CCSER1: variants seen among roughly 807,000 people sequenced by gnomAD.
CCSER1 encodes coiled-coil serine rich protein 1, also known as serine-rich coiled-coil domain-containing protein 1.
A neutral mutation model predicts 82.0 loss-of-function variants in CCSER1; 41 were observed. The observed-to-expected ratio is 0.50, with a 90% confidence interval of 0.39 to 0.65. CCSER1 has a LOEUF of 0.65. Ranked by LOEUF, CCSER1 falls within the 30% of genes least tolerant of loss-of-function variation. CCSER1 has a pLI of 0.00. For synonymous variants in CCSER1, 414 were observed against 383.9 expected, an observed-to-expected ratio of 1.08 and a Z score of -0.92; for missense variants, 1,119 against 1,064.2, an observed-to-expected ratio of 1.05 and a Z score of -0.72.
At chr4:91,391,181 C>G (rs1465906370) in intron 10 of CCSER1, among the ~76,000 whole-genome samples, 1 of 151,994 alleles carries the variant, frequency 6.6e-6, no homozygotes, top group Non-Finnish European at 1.5e-5. Context: ...TATATGAGTT[C>G]TGTGCTATAA....
chr4:91,144,282 T>C (rs1029647157), intron 10 of CCSER1, among the ~76,000 whole-genome samples: 1 of 152,024 alleles, frequency 6.6e-6, no homozygotes, highest in East Asian at 1.9e-4. Context: ...TGAGGATCTT[T>C]TGCATTTCTA....
At chr4:91,088,075 G>T (rs1723563795) in intron 10 of CCSER1, among the ~76,000 whole-genome samples, 1 of 152,028 alleles carries the variant, frequency 6.6e-6, no homozygotes, top group Admixed American at 6.6e-5. Flanking sequence ...TTATGTTCTA[G>T]GATGTGTGTG....
chr4:91,471,389 G>A (rs1757265047), intron 10 of CCSER1, among the ~76,000 whole-genome samples: 1 of 152,192 alleles, frequency 6.6e-6, no homozygotes, highest in South Asian at 2.1e-4. Context: ...TGTGTGCACA[G>A]ATGGCTGAAA....
chr4:90,932,638 G>A (rs571236865), intron 9 of CCSER1, among the ~76,000 whole-genome samples: 4 of 151,786 alleles, frequency 2.6e-5, no homozygotes, highest in African/African-American at 9.7e-5. Flanking sequence ...GACCAGCCTG[G>A]CTAACATGGT....
At chr4:90,951,871 A>G (rs1287140847) in intron 9 of CCSER1, among the ~76,000 whole-genome samples, 2 of 152,018 alleles carry the variant, frequency 1.3e-5, no homozygotes, top group Non-Finnish European at 2.9e-5. Flanking sequence ...TCACACATGA[A>G]CACTCATATT....
At chr4:91,285,917 G>A (rs1743240082) in intron 10 of CCSER1, among the ~76,000 whole-genome samples, 1 of 151,028 alleles carries the variant, frequency 6.6e-6, no homozygotes, top group East Asian at 1.9e-4. Flanking sequence ...TACTTCCTGT[G>A]AATACCTATC....
intron 10 of CCSER1, among the ~76,000 whole-genome samples, chr4:91,322,819 T>C (rs1320618097): frequency 6.6e-6 from 1 of 152,124 alleles, no homozygotes; most frequent in East Asian, 1.9e-4. Flanking sequence ...ACCCAGGTAG[T>C]GTGATCAAAT....
chr4:90,595,885 G>A lies in CCSER1; in HGVS notation c.1725-32140G>A, dbSNP rs778152485. Among the ~76,000 whole-genome samples the A allele has an allele frequency of 5.9e-5, 9 of 151,922 alleles. 1 individual carries two copies. The highest frequency in any genetic ancestry group is 2.6e-4 in the Admixed American group (4 of 15,228). ...GAACATATCTTTTATAGAATGGTAT[G>A]TTGTAATTGATTTAATATGGAAAGA... On this transcript the variant is annotated intron_variant, in intron 5 of 10. Coordinates refer to ENST00000509176, the MANE Select transcript of CCSER1 (RefSeq NM_001145065.2).
intron 8 of CCSER1, among the ~76,000 whole-genome samples, chr4:90,904,994 C>T (rs140284645): frequency 6.6e-6 from 1 of 152,070 alleles, no homozygotes; most frequent in African/African-American, 2.4e-5. Flanking sequence ...CTCCCATTTG[C>T]TCAGAACAGA....
chr4:90,227,808 G>A (rs546938015), intron 1 of CCSER1, among the ~76,000 whole-genome samples: 3 of 152,324 alleles, frequency 2.0e-5, no homozygotes, highest in East Asian at 1.9e-4. Context: ...TGCCTCACTC[G>A]GGAAGCGCAA....
intron 5 of CCSER1, among the ~76,000 whole-genome samples, chr4:90,469,524 A>AACACACACAC (rs3971380): frequency 0.021 from 2,916 of 136,384 alleles, 74 homozygotes; most frequent in East Asian, 0.055. Flanking sequence ...TTTCCTGCAA[A>AACACACACAC]ACACACACAC....
chr4:90,363,909 G>T (rs1041747777), intron 3 of CCSER1, among the ~76,000 whole-genome samples: 1 of 152,178 alleles, frequency 6.6e-6, no homozygotes. Flanking sequence ...AATGTAAAGT[G>T]AATATTTATG....
chr4:91,241,957 A>C (rs1228307495), intron 10 of CCSER1, among the ~76,000 whole-genome samples: 1 of 146,704 alleles, frequency 6.8e-6, no homozygotes, highest in African/African-American at 2.7e-5. Flanking sequence ...TACACACACA[A>C]CTGTGTGCGT....
intron 5 of CCSER1, among the ~76,000 whole-genome samples, chr4:90,510,742 T>A (rs965970616): frequency 6.6e-6 from 1 of 152,124 alleles, no homozygotes; most frequent in African/African-American, 2.4e-5. Flanking sequence ...TCATAGCTAG[T>A]GTTATAATTG....
Position 91,139,269 on chromosome 4 carries a change from T to C in CCSER1, c.2217+53275T>C, listed in dbSNP as rs904946154. Among the ~76,000 whole-genome samples the C allele has an allele frequency of 7.9e-5, 12 of 152,250 alleles. No individual in the cohort carries two copies. In the East Asian group the frequency reaches 1.7e-3, roughly 22 times the overall value. On this transcript the variant is annotated intron_variant, in intron 10 of 10. Coordinates refer to ENST00000509176, the MANE Select transcript of CCSER1 (RefSeq NM_001145065.2). ...CCAAGGTGTATATGTACCACATTTTTTTTTTATCCAGTCTCCAGTCCACCA... is the reference window on the plus strand; with the variant it reads ...CCAAGGTGTATATGTACCACATTTTCTTTTTATCCAGTCTCCAGTCCACCA...
At chr4:91,224,335 G>C (rs1455801706) in intron 10 of CCSER1, among the ~76,000 whole-genome samples, 1 of 151,984 alleles carries the variant, frequency 6.6e-6, no homozygotes, top group Non-Finnish European at 1.5e-5. Context: ...AGTAAACTGT[G>C]GGAGGCAAAG....
At chr4:91,452,054 G>GT (rs1441424342) in intron 10 of CCSER1, among the ~76,000 whole-genome samples, 1 of 151,906 alleles carries the variant, frequency 6.6e-6, no homozygotes, top group Non-Finnish European at 1.5e-5. Flanking sequence ...TGTCTGGATA[G>GT]TAAGTATTTA....
At chr4:90,930,695 G>A (rs908362535) in intron 9 of CCSER1, among the ~76,000 whole-genome samples, 5 of 151,502 alleles carry the variant, frequency 3.3e-5, no homozygotes, top group South Asian at 4.1e-4. Context: ...CCAAGTATAA[G>A]CTTGAAGTAT....
intron 5 of CCSER1, among the ~76,000 whole-genome samples, chr4:90,545,398 A>C (rs995056123): frequency 1.3e-5 from 2 of 152,090 alleles, no homozygotes; most frequent in African/African-American, 4.8e-5. Flanking sequence ...TTCTTCAATG[A>C]CTATAAGGTT....
Sources: allele counts gnomAD v4.1 joint callset (sites outside exome capture counted in the v4.1 genomes callset), GRCh38; gene constraint gnomAD v4.1.1; transcripts MANE v1.5; gene names NCBI Gene and HGNC (gene_info 2026-07-23, HGNC 2026-07-21).